AIFM2: variants seen among roughly 807,000 people sequenced by gnomAD.
AIFM2 encodes the protein ferroptosis suppressor protein 1.
AIFM2 carries 38 observed loss-of-function variants against 35.7 expected under a neutral mutation model. The observed-to-expected ratio is 1.06, with a 90% confidence interval of 0.82 to 1.39. AIFM2 has a LOEUF of 1.39. Among genes scored for constraint, AIFM2 ranks in the 40% most tolerant of loss-of-function variants. The probability of loss-of-function intolerance (pLI) is 0.00; values close to 1 mark genes in which losing one functional copy is unlikely to be tolerated. For missense variants in AIFM2, 476 were observed against 491.2 expected (o/e 0.97, Z 0.29); for synonymous variants, 185 against 203.5 (o/e 0.91, Z 0.77).
At chr10:70,125,808 T>C (rs1019764639) in intron 1 of AIFM2, among the ~76,000 whole-genome samples, 3 of 152,202 alleles carry the variant, frequency 2.0e-5, no homozygotes, top group Non-Finnish European at 4.4e-5. Context: ...GTATATAAGC[T>C]TCTGTACCTC....
At chr10:70,120,467 C>A (rs763667758) in intron 5 of AIFM2, 40 bp downstream of exon 5, 3 of 1,607,490 alleles carry the variant, frequency 1.9e-6, no homozygotes, top group African/African-American at 2.7e-5. Flanking sequence ...CAGAAAAAAG[C>A]CAACCACTTA....
Position 70,114,027 on chromosome 10 carries a change from T to C in AIFM2, c.*151A>G. ...TTAATACCTCTCTCTCTCCCATTTT[T>C]GTTTTATACAAGTTGCATTTCTAGC... On this transcript the variant is annotated 3_prime_UTR_variant, in exon 9 of 9. Transcript: ENST00000307864. 1 of 977,024 alleles carries C rather than the reference T, an allele frequency of 1.0e-6. No individual in the cohort carries two copies. The highest frequency in any genetic ancestry group is 1.5e-6 in the Non-Finnish European group (1 of 684,540). 60.5% of individuals were successfully genotyped at this position (977,024 alleles called of 1,614,324 possible). A position where few individuals can be genotyped will look rare whatever the true frequency, so the allele number is the denominator to read the frequency against.
chr10:70,114,155 A>G lies in AIFM2; in HGVS notation c.*23T>C. ...AGTCCGTACGCCCACCTGCTGCGGT[A>G]GTTCTCCCGCCTGGCCTCTCCATCA... On this transcript the variant is annotated 3_prime_UTR_variant, in exon 9 of 9. Transcript: ENST00000307864. 1 of 1,601,512 alleles carries G rather than the reference A, an allele frequency of 6.2e-7. No individual in the cohort carries two copies. The highest frequency in any genetic ancestry group is 8.5e-7 in the Non-Finnish European group (1 of 1,173,584).
In AIFM2 at chr10:70,112,537, A is replaced by G. The variant is rs1466410760; in HGVS notation, c.*1641T>C. ...GGATGCAACCACCAGGGGAACAGCC[A>G]TCCTCCAATAGAGGCACACGACTCA... On this transcript the variant is annotated 3_prime_UTR_variant, in exon 9 of 9. Transcript: ENST00000307864. The G allele has an allele frequency of 6.6e-6, 1 of 152,258 alleles. No individual in the cohort carries two copies. Among genetic ancestry groups the G allele is most frequent in the African/African-American group, 2.4e-5 (1 of 41,470 alleles). The allele number at this position is 152,258 out of a possible 1,614,324, so 9.4% of individuals were successfully genotyped here.
At chr10:70,123,308 C>T (rs997809154) in intron 3 of AIFM2, 97 bp downstream of exon 3, 22 of 1,068,746 alleles carry the variant, frequency 2.1e-5, no homozygotes, top group South Asian at 1.2e-4. Flanking sequence ...TGTGAGCCAC[C>T]GCCCCCAGCC....
Position 70,131,757 on chromosome 10 carries a change from G to A in AIFM2, c.-14+977C>T, listed in dbSNP as rs1443859319. On this transcript the variant is annotated intron_variant, in intron 1 of 8. Transcript: ENST00000307864. This position sits in a 1 kb window ranked among gnomAD's most constrained non-coding sequence, Gnocchi z 4.1. ...TAAGCCTGCCCAGCCCACCCTGGCT[G>A]GGGCTCAGTGCCCTCTTCTTGGTGA... Among the ~76,000 whole-genome samples, 1 of 152,174 alleles carries A rather than the reference G, an allele frequency of 6.6e-6. No homozygotes were observed. Among genetic ancestry groups the A allele is most frequent in the African/African-American group, 2.4e-5 (1 of 41,456 alleles).
At chr10:70,129,476 G>A (rs1436437865) in intron 1 of AIFM2, among the ~76,000 whole-genome samples, 4 of 151,800 alleles carry the variant, frequency 2.6e-5, no homozygotes, top group African/African-American at 7.3e-5. Context: ...CATCCACCTC[G>A]GTATGTATAC....
At chr10:70,115,450 T>C (rs952064613) in intron 7 of AIFM2, among the ~76,000 whole-genome samples, 5 of 152,220 alleles carry the variant, frequency 3.3e-5, no homozygotes, top group African/African-American at 1.2e-4. Context: ...TTGAATTGAC[T>C]TTTGAATGTA....
rs2072406994 is a variant in AIFM2 at position 70,114,213 on chromosome 10, T to C, written c.1087A>G (p.Thr363Ala). 2 of 1,613,634 alleles carry C rather than the reference T, an allele frequency of 1.2e-6. No individual in the cohort carries two copies. The highest frequency in any genetic ancestry group is 1.7e-6 in the Non-Finnish European group (2 of 1,179,936). Residue 363 changes from threonine (T) to alanine (A), a missense_variant, in exon 9 of 9, where the codon ACG (threonine) becomes GCG (alanine). Physicochemically the swap from Thr to Ala is moderately conservative, Grantham distance 58. Coordinates refer to ENST00000307864, the MANE Select transcript of AIFM2 (RefSeq NM_032797.6). ...GACTGCCTCATGGTTTTCCAGCTCG[T>C]AGAGACGAACAGGTCCCGGCTCTTG... ...LTKSRDLFVS[T>A]SWKTMRQSPP is the part of the protein sequence containing the mutation.
chr10:70,121,370 G>A (rs3750771), intron 3 of AIFM2, among the ~76,000 whole-genome samples, 159 bp from the exon 4 acceptor site: 11,519 of 152,188 alleles, frequency 0.076, 647 homozygotes, highest in African/African-American at 0.15. Flanking sequence ...CCCCATGGGA[G>A]GGGGTGAAAC....
In AIFM2 at chr10:70,126,367, CG is replaced by C. The variant is rs1454848848; in HGVS notation, c.-13-2271del. Among the ~76,000 whole-genome samples the C allele has an allele frequency of 1.2e-4, 18 of 152,274 alleles. 1 individual carries two copies. The highest frequency in any genetic ancestry group is 8.5e-4 in the Admixed American group (13 of 15,292). On this transcript the variant is annotated intron_variant, in intron 1 of 8. Transcript: ENST00000307864. ...TGGGCTTCAGGAAGGGGGACTGGAGCGGGTGTCAGCGAAGGAGGAAGTAGAC... is the reference window on the plus strand; with the variant it reads ...TGGGCTTCAGGAAGGGGGACTGGAGCGGTGTCAGCGAAGGAGGAAGTAGAC...
At chr10:70,127,132 AG>A (rs1406508081) in intron 1 of AIFM2, among the ~76,000 whole-genome samples, 1 of 152,242 alleles carries the variant, frequency 6.6e-6, no homozygotes, top group Non-Finnish European at 1.5e-5. Context: ...GGCAGTGATG[AG>A]GCAGGCCGTG....
At chr10:70,119,871 C>T (rs903714187) in intron 5 of AIFM2, among the ~76,000 whole-genome samples, 7 of 152,218 alleles carry the variant, frequency 4.6e-5, no homozygotes, top group African/African-American at 1.4e-4. Flanking sequence ...TTTCCTCTTT[C>T]TCGCTAGGTT....
chr10:70,127,488 G>T (rs1404614226), intron 1 of AIFM2, among the ~76,000 whole-genome samples: 1 of 152,208 alleles, frequency 6.6e-6, no homozygotes, highest in Non-Finnish European at 1.5e-5. Context: ...GGGCACCTGT[G>T]GCAGAAGGTG....
In AIFM2 at chr10:70,113,293, G is replaced by A. The variant is rs1173841973; in HGVS notation, c.*885C>T. 1 of 152,284 alleles carries A rather than the reference G, an allele frequency of 6.6e-6. No homozygotes were observed. The highest frequency in any genetic ancestry group is 2.4e-5 in the African/African-American group (1 of 41,472). 9.4% of individuals were successfully genotyped at this position (152,284 alleles called of 1,614,324 possible). On this transcript the variant is annotated 3_prime_UTR_variant, in exon 9 of 9. Coordinates refer to ENST00000307864, the MANE Select transcript of AIFM2 (RefSeq NM_032797.6). ...GAATCCCAGCACTTCGAGAGGCCAA[G>A]ACGAATGGATCACCTGAGGTCAGGT...
rs1339019326 is a variant in AIFM2 at position 70,114,006 on chromosome 10, T to A, written c.*172A>T. ...TCCTCTAAGGGGGGTATTTGTTTAA[T>A]ACCTCTCTCTCTCCCATTTTTGTTT... On this transcript the variant is annotated 3_prime_UTR_variant, in exon 9 of 9. Transcript: ENST00000307864. 1 of 824,246 alleles carries A rather than the reference T, an allele frequency of 1.2e-6. No homozygotes were observed. Among genetic ancestry groups the A allele is most frequent in the East Asian group, 2.8e-5 (1 of 35,978 alleles). The allele number at this position is 824,246 out of a possible 1,614,324, so 51.1% of individuals were successfully genotyped here.
chr10:70,127,430 T>C (rs2072580699), intron 1 of AIFM2, among the ~76,000 whole-genome samples: 2 of 152,110 alleles, frequency 1.3e-5, no homozygotes, highest in African/African-American at 4.8e-5. Context: ...AGGAAACAAC[T>C]TGGGCCAGAG....
At chr10:70,121,735 A>C (rs1325368132) in intron 3 of AIFM2, among the ~76,000 whole-genome samples, 1 of 150,930 alleles carries the variant, frequency 6.6e-6, no homozygotes, top group African/African-American at 2.4e-5. Flanking sequence ...TAAATAATAA[A>C]ATAATTTAAT....
At chr10:70,119,810 G>A (rs1336693411) in intron 5 of AIFM2, among the ~76,000 whole-genome samples, 4 of 152,228 alleles carry the variant, frequency 2.6e-5, no homozygotes, top group Admixed American at 2.6e-4. Context: ...TAGAGGACCT[G>A]TAAGGACGTT....
Sources: gnomAD v4.1 joint callset for allele counts (sites outside exome capture counted in the v4.1 genomes callset) on GRCh38, gnomAD v4.1.1 for gene constraint, Gnocchi (gnomAD v3.1) non-coding constraint, MANE v1.5 for transcripts, NCBI Gene and HGNC (gene_info 2026-07-23, HGNC 2026-07-21) for gene names.